NXPE2: variants seen among roughly 807,000 people sequenced by gnomAD.
The protein encoded by NXPE2 is neurexophilin and PC-esterase domain family member 2, also known as NXPE family member 2.
NXPE2 carries 34 observed loss-of-function variants against 34.4 expected under a neutral mutation model. The observed-to-expected ratio is 0.99, with a 90% CI of 0.75 to 1.31. The LOEUF is 1.31. Ranked by LOEUF, NXPE2 falls within the 40% of genes most tolerant of loss-of-function variation. The probability of loss-of-function intolerance (pLI) is 0.00; values close to 1 mark genes in which losing one functional copy is unlikely to be tolerated. For missense variants in NXPE2, 649 were observed against 672.5 expected (o/e 0.97, Z 0.39); for synonymous variants, 235 against 231.3 (o/e 1.02, Z -0.15).
chr11:114,796,199 T>G, the NXPE2 span, among the ~76,000 whole-genome samples: 1 of 152,226 alleles, frequency 6.6e-6, no homozygotes, highest in African/African-American at 2.4e-5. Context: ...TATTTTAGAT[T>G]CAGGGTATAC....
At chr11:114,494,753 G>A in the NXPE2 span, among the ~76,000 whole-genome samples, 11 of 152,150 alleles carry the variant, frequency 7.2e-5, no homozygotes, top group Non-Finnish European at 1.0e-4. Flanking sequence ...TGTTCTTGAC[G>A]CATGTGGATG....
the NXPE2 span, among the ~76,000 whole-genome samples, chr11:114,557,169 C>T: frequency 6.6e-6 from 1 of 152,166 alleles, no homozygotes. Context: ...TCTGGGATTA[C>T]AGGCATGAGC....
At chr11:114,464,325 C>A in the NXPE2 span, among the ~76,000 whole-genome samples, 1 of 152,020 alleles carries the variant, frequency 6.6e-6, no homozygotes, top group African/African-American at 2.4e-5. Context: ...GTTGCCCAGA[C>A]TGAAAATATT....
chr11:114,498,002 G>A, the NXPE2 span, among the ~76,000 whole-genome samples: 1 of 151,928 alleles, frequency 6.6e-6, no homozygotes, highest in African/African-American at 2.4e-5. Flanking sequence ...TTGTTAGGAT[G>A]TTTCTTATGT....
the NXPE2 span, among the ~76,000 whole-genome samples, chr11:114,487,207 A>T: frequency 2.2e-4 from 33 of 151,918 alleles, no homozygotes; most frequent in Non-Finnish European, 2.9e-5. Context: ...GAGAGCTTTC[A>T]CTTCTTTGGT....
the NXPE2 span, among the ~76,000 whole-genome samples, chr11:114,468,653 T>G: frequency 6.6e-6 from 1 of 152,282 alleles, no homozygotes; most frequent in Non-Finnish European, 1.5e-5. Flanking sequence ...AGACCAAGGA[T>G]TCTACTGAAC....
the NXPE2 span, among the ~76,000 whole-genome samples, chr11:114,651,456 G>C: frequency 6.6e-6 from 1 of 152,156 alleles, no homozygotes; most frequent in Non-Finnish European, 1.5e-5. Flanking sequence ...AGGTAGTGTG[G>C]ACCCAAAGAG....
the NXPE2 span, chr11:114,530,368 A>T: frequency 1.9e-6 from 3 of 1,614,220 alleles, no homozygotes; most frequent in Non-Finnish European, 2.5e-6. Context: ...AAGACATGAG[A>T]GGTGCCATTA....
At chr11:114,473,064 C>T in the NXPE2 span, among the ~76,000 whole-genome samples, 1 of 152,100 alleles carries the variant, frequency 6.6e-6, no homozygotes, top group East Asian at 1.9e-4. Flanking sequence ...CAATTGTAAT[C>T]TGCTTATTTA....
intron 2 of NXPE2, among the ~76,000 whole-genome samples, chr11:114,694,566 C>A (rs1047520269): frequency 6.6e-6 from 1 of 152,006 alleles, no homozygotes; most frequent in Non-Finnish European, 1.5e-5. Flanking sequence ...TTTTGGTATT[C>A]CCATTATGTG....
the NXPE2 span, among the ~76,000 whole-genome samples, chr11:114,644,185 A>G: frequency 6.6e-6 from 1 of 152,170 alleles, no homozygotes; most frequent in African/African-American, 2.4e-5. Flanking sequence ...TAAATATACA[A>G]TCATGGCATC....
the NXPE2 span, among the ~76,000 whole-genome samples, chr11:114,560,751 G>A: frequency 6.6e-6 from 1 of 152,120 alleles, no homozygotes; most frequent in East Asian, 1.9e-4. Flanking sequence ...GGGAATATAT[G>A]GGTGTATATG....
At chr11:114,591,500 C>G in the NXPE2 span, among the ~76,000 whole-genome samples, 1 of 152,114 alleles carries the variant, frequency 6.6e-6, no homozygotes, top group Non-Finnish European at 1.5e-5. Flanking sequence ...GCCAAGTCAG[C>G]AGCAAGAAAG....
chr11:114,764,134 C>T, the NXPE2 span, among the ~76,000 whole-genome samples: 1 of 152,140 alleles, frequency 6.6e-6, no homozygotes, highest in East Asian at 1.9e-4. Context: ...ACTCTTCCCA[C>T]CCTACCTTAC....
chr11:114,808,121 A>G, the NXPE2 span, among the ~76,000 whole-genome samples: 1 of 152,248 alleles, frequency 6.6e-6, no homozygotes, highest in Non-Finnish European at 1.5e-5. Flanking sequence ...TGAAGGCAGA[A>G]ATAAAGATGT....
At chr11:114,794,399 A>G in the NXPE2 span, among the ~76,000 whole-genome samples, 1 of 152,164 alleles carries the variant, frequency 6.6e-6, no homozygotes. Flanking sequence ...ATCATGATGA[A>G]TTAGGTGCCC....
chr11:114,779,202 T>G, the NXPE2 span, among the ~76,000 whole-genome samples: 1 of 152,248 alleles, frequency 6.6e-6, no homozygotes, highest in Non-Finnish European at 1.5e-5. Flanking sequence ...TCGCCAGAGC[T>G]CTGTAGTGTC....
At chr11:114,587,802 T>A in the NXPE2 span, among the ~76,000 whole-genome samples, 9 of 152,152 alleles carry the variant, frequency 5.9e-5, no homozygotes, top group Admixed American at 5.2e-4. Flanking sequence ...TCTGCACTCC[T>A]CTGGAGTGCT....
the NXPE2 span, among the ~76,000 whole-genome samples, chr11:114,604,784 A>G: frequency 6.6e-6 from 1 of 152,060 alleles, no homozygotes; most frequent in South Asian, 2.1e-4. Context: ...CCAGTGGATA[A>G]TAAGTGTTGC....
Sources: allele counts gnomAD v4.1 joint callset (sites outside exome capture counted in the v4.1 genomes callset), GRCh38; gene constraint gnomAD v4.1.1; transcripts MANE v1.5; gene names NCBI Gene and HGNC (gene_info 2026-07-23, HGNC 2026-07-21).